CACNA1D: variants seen among roughly 807,000 people sequenced by gnomAD.
CACNA1D encodes calcium voltage-gated channel subunit alpha1 D, also known as voltage-dependent L-type calcium channel subunit alpha-1D.
CACNA1D carries 55 observed loss-of-function variants against 257.1 expected under a neutral mutation model. The observed-to-expected ratio is 0.21, with a 90% CI of 0.17 to 0.27. The LOEUF (loss-of-function observed/expected upper bound fraction) is 0.27, where lower values mean the gene tolerates loss of function less well. Ranked by LOEUF, CACNA1D falls within the 10% of genes least tolerant of loss-of-function variation. CACNA1D has a pLI of 1.00. For synonymous variants in CACNA1D, 980 were observed against 1,014.9 expected, an observed-to-expected ratio of 0.97 and a Z score of 0.65; for missense variants, 1,876 against 2,784.0, an observed-to-expected ratio of 0.67 and a Z score of 7.34.
intron 25 of CACNA1D, among the ~76,000 whole-genome samples, chr3:53,746,310 T>C (rs2095168500): frequency 6.6e-6 from 1 of 152,228 alleles, no homozygotes; most frequent in African/African-American, 2.4e-5. Context: ...GTTTGGGAAC[T>C]GGCTCCCTCT....
intron 3 of CACNA1D, among the ~76,000 whole-genome samples, chr3:53,633,626 T>G (rs901427449): frequency 2.6e-5 from 4 of 152,180 alleles, no homozygotes; most frequent in Admixed American, 6.5e-5. Flanking sequence ...TCAGCTTGCC[T>G]CCTCCTGATT....
At chr3:53,510,775 CCT>C (rs2091072514) in intron 3 of CACNA1D, among the ~76,000 whole-genome samples, 1 of 152,080 alleles carries the variant, frequency 6.6e-6, no homozygotes, top group South Asian at 2.1e-4. Flanking sequence ...TTGGGTCTGG[CCT>C]CTCTCTGGGA....
chr3:53,550,674 TTCTC>T (rs2092513754), intron 3 of CACNA1D, among the ~76,000 whole-genome samples: 1 of 152,232 alleles, frequency 6.6e-6, no homozygotes. Flanking sequence ...AGACTTGAGT[TTCTC>T]TCTTGCTGTC....
chr3:53,781,670 C>A lies in CACNA1D; in HGVS notation c.4792+3C>A. On this transcript the variant is annotated splice_donor_region_variant and intron_variant, in intron 39 of 47. Coordinates refer to ENST00000350061, the MANE Select transcript of CACNA1D (RefSeq NM_001128840.3). Reference sequence around the variant, plus strand: ...CCAAGTTGTCCCTCCAGCTGGTGGTCAGTGCAGTCTATTTCCTAAGTAGTC... The same window carrying A: ...CCAAGTTGTCCCTCCAGCTGGTGGTAAGTGCAGTCTATTTCCTAAGTAGTC... 6.3e-7 allele frequency: 1 copy of A among 1,592,548 alleles called. No homozygotes were observed. The highest frequency in any genetic ancestry group is 1.1e-5 in the South Asian group (1 of 90,708).
intron 8 of CACNA1D, among the ~76,000 whole-genome samples, chr3:53,700,261 A>G (rs2094610721): frequency 6.6e-6 from 1 of 152,032 alleles, no homozygotes; most frequent in African/African-American, 2.4e-5. Context: ...CCTTGTTTGT[A>G]TGTAACCATC....
Position 53,636,101 on chromosome 3 carries a change from G to A in CACNA1D, c.484-14678G>A, listed in dbSNP as rs957165453. Among the ~76,000 whole-genome samples, 7 of 152,296 alleles carry A rather than the reference G, an allele frequency of 4.6e-5. No individual in the cohort carries two copies. In the South Asian group the frequency reaches 1.5e-3, roughly 32 times the overall value. ...TCAGGGTTTTTGTGGATGTGTATAT[G>A]GTGGAGGGAGAGAGTGTATACCAGT... On this transcript the variant is annotated intron_variant, in intron 3 of 47. Coordinates refer to ENST00000350061, the MANE Select transcript of CACNA1D (RefSeq NM_001128840.3).
intron 3 of CACNA1D, among the ~76,000 whole-genome samples, chr3:53,547,787 T>C (rs537052329): frequency 6.6e-6 from 1 of 152,256 alleles, no homozygotes; most frequent in Non-Finnish European, 1.5e-5. Context: ...CACCTTCTGT[T>C]TGTGATGTTT....
At chr3:53,737,572 C>T (rs547261867) in intron 20 of CACNA1D, among the ~76,000 whole-genome samples, 1 of 152,148 alleles carries the variant, frequency 6.6e-6, no homozygotes, top group Non-Finnish European at 1.5e-5. Context: ...CCTGTAATCC[C>T]AGTACTTTGG....
chr3:53,672,600 A>T (rs1260350886), intron 7 of CACNA1D, among the ~76,000 whole-genome samples: 1 of 152,210 alleles, frequency 6.6e-6, no homozygotes, highest in Non-Finnish European at 1.5e-5. Context: ...GCAGCATAGA[A>T]AATAGGTTCT....
At chr3:53,591,955 C>T (rs141386412) in intron 3 of CACNA1D, among the ~76,000 whole-genome samples, 4 of 151,970 alleles carry the variant, frequency 2.6e-5, no homozygotes, top group African/African-American at 9.7e-5. Context: ...CTGCCCCTTT[C>T]TTTTCTTTCC....
chr3:53,687,125 A>C lies in CACNA1D; in HGVS notation c.1220+13999A>C, dbSNP rs1021108764. Among the ~76,000 whole-genome samples the C allele has an allele frequency of 7.2e-5, 11 of 152,200 alleles. No homozygotes were observed. The East Asian group carries it at 9.6e-4, about 13-fold the overall frequency. ...GAAAACTACAAAACACTGATTAGTAAAATTACAATGATCTAAATAAATGAA... is the reference window on the plus strand; with the variant it reads ...GAAAACTACAAAACACTGATTAGTACAATTACAATGATCTAAATAAATGAA... On this transcript the variant is annotated intron_variant, in intron 8 of 47. Transcript: ENST00000350061.
chr3:53,796,226 C>G, intron 40 of CACNA1D: 1 of 403,516 alleles, frequency 2.5e-6, no homozygotes, highest in Non-Finnish European at 5.1e-6. Flanking sequence ...ACCAGCGAGA[C>G]GACTGTGTGC....
chr3:53,783,582 T>C (rs1451818434), intron 39 of CACNA1D, among the ~76,000 whole-genome samples: 2 of 152,202 alleles, frequency 1.3e-5, no homozygotes, highest in Non-Finnish European at 2.9e-5. Context: ...GCTCCCTGCC[T>C]GTGTTGAGTG....
chr3:53,520,072 C>G (rs976611589), intron 3 of CACNA1D, among the ~76,000 whole-genome samples: 1 of 152,128 alleles, frequency 6.6e-6, no homozygotes, highest in Non-Finnish European at 1.5e-5. Context: ...AGTGTTTTCC[C>G]CTTTTTGGCT....
chr3:53,629,514 CTG>C (rs2108105375), intron 3 of CACNA1D, among the ~76,000 whole-genome samples: 1 of 152,350 alleles, frequency 6.6e-6, no homozygotes, highest in African/African-American at 2.4e-5. Flanking sequence ...AGTTAGCAGT[CTG>C]TCACTGGGGT....
intron 10 of CACNA1D, chr3:53,718,717 G>A: frequency 6.4e-7 from 1 of 1,559,210 alleles, no homozygotes; most frequent in Non-Finnish European, 8.7e-7. Flanking sequence ...GCCAAGGCGG[G>A]GCCCTCTGGG....
intron 9 of CACNA1D, 40 bp downstream of exon 9, chr3:53,702,850 G>C (rs371998391): frequency 6.2e-7 from 1 of 1,611,868 alleles, no homozygotes; most frequent in Non-Finnish European, 8.5e-7. Flanking sequence ...GACAGACCCA[G>C]TGTGCGGTTC....
chr3:53,596,566 C>G (rs1004919081), intron 3 of CACNA1D, among the ~76,000 whole-genome samples: 4 of 152,148 alleles, frequency 2.6e-5, no homozygotes, highest in African/African-American at 9.7e-5. Flanking sequence ...TTTAGATGGG[C>G]CTACCCAATC....
chr3:53,515,584 T>A (rs140662148), intron 3 of CACNA1D, among the ~76,000 whole-genome samples: 55 of 152,266 alleles, frequency 3.6e-4, no homozygotes, highest in African/African-American at 1.3e-3. Context: ...GATGTGGACC[T>A]CTCCTGCCCT....
Sources: gnomAD v4.1 joint callset for allele counts (sites outside exome capture counted in the v4.1 genomes callset) on GRCh38, gnomAD v4.1.1 for gene constraint, MANE v1.5 for transcripts, NCBI Gene and HGNC (gene_info 2026-07-23, HGNC 2026-07-21) for gene names.